The following VDAC1 variants were observed in gnomAD, a reference collection of about 807,000 sequenced individuals.
VDAC1 encodes voltage dependent anion channel 1.
VDAC1 carries 10 observed loss-of-function variants against 34.7 expected under a neutral mutation model. That is an observed-to-expected ratio of 0.29 (90% confidence interval 0.18 to 0.49). VDAC1 has a LOEUF of 0.49. Among genes scored for constraint, VDAC1 ranks in the 20% least tolerant of loss-of-function variants. The probability of loss-of-function intolerance (pLI) is 0.99; values close to 1 mark genes in which losing one functional copy is unlikely to be tolerated. For missense variants in VDAC1, 230 were observed against 347.9 expected (o/e 0.66, Z 2.69); for synonymous variants, 130 against 136.0 (o/e 0.96, Z 0.30).
chr5:134,025,898 C>A, the VDAC1 span, among the ~76,000 whole-genome samples: 1 of 152,156 alleles, frequency 6.6e-6, no homozygotes, highest in East Asian at 1.9e-4. Context: ...AGGGTCTGGC[C>A]CAGCCTCTAC....
chr5:134,063,874 C>A, the VDAC1 span, among the ~76,000 whole-genome samples: 3 of 152,216 alleles, frequency 2.0e-5, no homozygotes, highest in South Asian at 2.1e-4. Flanking sequence ...TTCTCTGTCA[C>A]CAGACTGAAG....
At chr5:134,106,895 A>AAAAGTTG in the VDAC1 span, among the ~76,000 whole-genome samples, 1 of 152,186 alleles carries the variant, frequency 6.6e-6, no homozygotes, top group Non-Finnish European at 1.5e-5. Context: ...TGGTTTTAGA[A>AAAAGTTG]AAAGTTGAAG....
intron 2 of VDAC1, among the ~76,000 whole-genome samples, chr5:133,992,686 C>T (rs1753150211): frequency 6.6e-6 from 1 of 152,278 alleles, no homozygotes; most frequent in Non-Finnish European, 1.5e-5. Context: ...CGCTCCACTG[C>T]AGCAGCTTCC....
chr5:134,092,308 G>C, the VDAC1 span, among the ~76,000 whole-genome samples: 1 of 152,148 alleles, frequency 6.6e-6, no homozygotes, highest in Non-Finnish European at 1.5e-5. Context: ...CTTCAATAGA[G>C]GCAGAACATC....
chr5:134,049,895 GGT>G, the VDAC1 span, among the ~76,000 whole-genome samples: 1 of 152,114 alleles, frequency 6.6e-6, no homozygotes, highest in Non-Finnish European at 1.5e-5. Flanking sequence ...AAGCTTTTGA[GGT>G]GTGTTTTTCC....
At chr5:134,071,015 G>A in the VDAC1 span, among the ~76,000 whole-genome samples, 1 of 152,154 alleles carries the variant, frequency 6.6e-6, no homozygotes, top group East Asian at 1.9e-4. This position sits in a 1 kb window ranked among gnomAD's most constrained non-coding sequence, Gnocchi z 4.1. Context: ...CGTAAACCCC[G>A]CCCAGCAGAG....
chr5:134,057,783 T>C, the VDAC1 span, among the ~76,000 whole-genome samples: 16 of 152,262 alleles, frequency 1.1e-4, no homozygotes, highest in African/African-American at 3.8e-4. Context: ...CCCTGCCACA[T>C]TGCAGTACCC....
the VDAC1 span, among the ~76,000 whole-genome samples, chr5:134,108,601 C>A: frequency 6.6e-6 from 1 of 152,244 alleles, no homozygotes; most frequent in Admixed American, 6.5e-5. Flanking sequence ...GTCTTGAAGC[C>A]CCATGCAAGG....
chr5:134,015,231 G>A, the VDAC1 span, among the ~76,000 whole-genome samples: 13,997 of 150,750 alleles, frequency 0.093, 908 homozygotes, highest in South Asian at 0.22. Context: ...AGGGAGAGAG[G>A]GGGGCAAGGG....
chr5:134,022,407 G>A, the VDAC1 span, among the ~76,000 whole-genome samples: 1 of 152,212 alleles, frequency 6.6e-6, no homozygotes, highest in African/African-American at 2.4e-5. Context: ...GCTGCCATCT[G>A]GCGAGGGCCT....
chr5:134,088,630 C>T, the VDAC1 span, among the ~76,000 whole-genome samples: 3 of 152,200 alleles, frequency 2.0e-5, no homozygotes, highest in African/African-American at 7.2e-5. Context: ...AGGAAAAGCA[C>T]ATAAAGCATA....
chr5:133,984,098 C>T (rs960301995), intron 5 of VDAC1, among the ~76,000 whole-genome samples: 5 of 152,070 alleles, frequency 3.3e-5, no homozygotes, highest in East Asian at 1.9e-4. Flanking sequence ...CTCTGTTGTC[C>T]AGGCAGGAGT....
At chr5:134,024,252 G>T in the VDAC1 span, among the ~76,000 whole-genome samples, 1 of 152,054 alleles carries the variant, frequency 6.6e-6, no homozygotes. Flanking sequence ...GGCCAGGCCG[G>T]GTGCGGTCAC....
chr5:134,005,221 G>A (rs951993527), upstream of VDAC1: 29 of 152,290 alleles, frequency 1.9e-4, no homozygotes, highest in Admixed American at 1.8e-3. Flanking sequence ...CTGGACCCAA[G>A]CCTCGCCTGG....
the VDAC1 span, among the ~76,000 whole-genome samples, chr5:134,068,072 C>T: frequency 2.6e-5 from 4 of 151,942 alleles, no homozygotes; most frequent in African/African-American, 4.8e-5. Context: ...AAGCAGAGAT[C>T]GCACCACTGC....
chr5:134,050,397 T>G, the VDAC1 span, among the ~76,000 whole-genome samples: 1 of 152,218 alleles, frequency 6.6e-6, no homozygotes, highest in Non-Finnish European at 1.5e-5. Flanking sequence ...AATTATTCAA[T>G]GCGTTAGTTC....
chr5:134,075,542 C>T, the VDAC1 span, among the ~76,000 whole-genome samples: 2 of 152,184 alleles, frequency 1.3e-5, no homozygotes, highest in Non-Finnish European at 2.9e-5. Context: ...CACTACTATT[C>T]ACACACTATA....
At chr5:134,005,141 G>C (rs1367586539), upstream of VDAC1, 1 of 152,190 alleles carries the variant, frequency 6.6e-6, no homozygotes, top group Non-Finnish European at 1.5e-5. Flanking sequence ...AATGGAAGAC[G>C]CGCGGGGCTC....
the VDAC1 span, among the ~76,000 whole-genome samples, chr5:134,057,975 C>T: frequency 6.6e-6 from 1 of 150,894 alleles, no homozygotes; most frequent in African/African-American, 2.4e-5. Flanking sequence ...TGGCTCAATG[C>T]AATCTCCACC....
Sources: allele counts gnomAD v4.1 joint callset (sites outside exome capture counted in the v4.1 genomes callset), GRCh38; gene constraint gnomAD v4.1.1; non-coding constraint Gnocchi (gnomAD v3.1); transcripts MANE v1.5; gene names NCBI Gene and HGNC (gene_info 2026-07-23, HGNC 2026-07-21).